GPC5: variants seen among roughly 807,000 people sequenced by gnomAD.
GPC5 encodes the protein glypican-5.
GPC5 carries 47 observed loss-of-function variants against 53.9 expected under a neutral mutation model. The observed-to-expected ratio is 0.87, with a 90% CI of 0.69 to 1.11. The LOEUF (loss-of-function observed/expected upper bound fraction) is 1.11, where lower values mean the gene tolerates loss of function less well. Among genes scored for constraint, GPC5 ranks in the 50% most tolerant of loss-of-function variants. GPC5 has a pLI of 0.00. For synonymous variants in GPC5, 286 were observed against 263.3 expected, an observed-to-expected ratio of 1.09 and a Z score of -0.84; for missense variants, 748 against 713.1, an observed-to-expected ratio of 1.05 and a Z score of -0.56.
intron 6 of GPC5, among the ~76,000 whole-genome samples, chr13:92,121,388 A>G (rs2041647891): frequency 6.6e-6 from 1 of 152,316 alleles, no homozygotes. Flanking sequence ...CACACAAACA[A>G]TTGCTGAATT....
At chr13:91,463,118 GC>G (rs924286585) in intron 2 of GPC5, among the ~76,000 whole-genome samples, 7 of 151,814 alleles carry the variant, frequency 4.6e-5, no homozygotes, top group African/African-American at 1.7e-4. Flanking sequence ...AGAAGCTCAG[GC>G]CCCCCATATA....
intron 7 of GPC5, among the ~76,000 whole-genome samples, chr13:92,201,007 ACACG>A (rs978561292): frequency 3.3e-5 from 5 of 150,360 alleles, no homozygotes; most frequent in African/African-American, 1.2e-4. Context: ...ACACACACAC[ACACG>A]CACACACACG....
chr13:92,744,384 A>G (rs1457310432), intron 7 of GPC5, among the ~76,000 whole-genome samples: 1 of 152,050 alleles, frequency 6.6e-6, no homozygotes. Flanking sequence ...CTGGACTGGT[A>G]TAAGAGCGAT....
intron 2 of GPC5, among the ~76,000 whole-genome samples, chr13:91,600,056 G>T (rs1312250321): frequency 6.6e-6 from 1 of 152,076 alleles, no homozygotes; most frequent in African/African-American, 2.4e-5. Flanking sequence ...AAGTAGCTGG[G>T]ATTATAGGCA....
intron 2 of GPC5, among the ~76,000 whole-genome samples, chr13:91,624,370 T>C (rs1248600061): frequency 6.6e-6 from 1 of 152,116 alleles, no homozygotes; most frequent in African/African-American, 2.4e-5. Flanking sequence ...ATCACAAGTG[T>C]GAATACACCA....
intron 7 of GPC5, among the ~76,000 whole-genome samples, chr13:92,717,103 G>T (rs185857910): frequency 6.6e-6 from 1 of 151,916 alleles, no homozygotes; most frequent in Admixed American, 6.6e-5. Flanking sequence ...TTCTCAAACC[G>T]TATTCTTCTC....
rs2043435370 is a variant in GPC5, at chr13:92,347,899, AT to A, written c.1561+202911del. Among the ~76,000 whole-genome samples, 2 of 12,018 alleles carry A rather than the reference AT, an allele frequency of 1.7e-4. 1 individual carries two copies. The highest frequency in any genetic ancestry group is 2.3e-4 in the Non-Finnish European group (2 of 8,840). The allele number at this position is 12,018 out of a possible 152,430, so 7.9% of individuals were successfully genotyped here. The stretch of plus-strand genomic sequence containing the variant: ...AATATATATTATATATATTATATAT[AT>A]AATATATATATAATATATATATATT... On this transcript the variant is annotated intron_variant, in intron 7 of 7. Coordinates refer to ENST00000377067, the MANE Select transcript of GPC5 (RefSeq NM_004466.6).
intron 6 of GPC5, among the ~76,000 whole-genome samples, chr13:91,958,822 T>C (rs2040098341): frequency 6.6e-6 from 1 of 151,930 alleles, no homozygotes; most frequent in South Asian, 2.1e-4. Context: ...CAAAGTTTCT[T>C]GAAACAAATG....
At chr13:91,723,487 A>AC (rs58231952) in intron 3 of GPC5, among the ~76,000 whole-genome samples, 2,020 of 151,322 alleles carry the variant, frequency 0.013, 18 homozygotes, top group Non-Finnish European at 0.022. Flanking sequence ...CAAAAAAAAA[A>AC]CAGGTACACC....
intron 7 of GPC5, among the ~76,000 whole-genome samples, chr13:92,626,120 T>G (rs1039816785): frequency 7.9e-5 from 12 of 152,334 alleles, no homozygotes; most frequent in Middle Eastern, 3.4e-3. Context: ...TATAATAACT[T>G]TTTCTATACT....
intron 7 of GPC5, among the ~76,000 whole-genome samples, chr13:92,266,427 T>C (rs761526264): frequency 6.6e-6 from 1 of 152,138 alleles, no homozygotes; most frequent in African/African-American, 2.4e-5. Context: ...CTACATCCAT[T>C]CAGACTTCCA....
intron 7 of GPC5, among the ~76,000 whole-genome samples, chr13:92,554,592 G>GA (rs1882430894): frequency 6.7e-6 from 1 of 149,928 alleles, no homozygotes; most frequent in African/African-American, 2.4e-5. Flanking sequence ...CTATTTACTT[G>GA]AAAAAAACTA....
intron 6 of GPC5, among the ~76,000 whole-genome samples, chr13:91,947,425 C>A (rs2039983816): frequency 1.3e-5 from 2 of 151,904 alleles, no homozygotes; most frequent in South Asian, 4.1e-4. Context: ...TATGTACAAC[C>A]AGTATATTGT....
intron 2 of GPC5, among the ~76,000 whole-genome samples, chr13:91,612,631 A>G (rs978061943): frequency 6.6e-6 from 1 of 152,198 alleles, no homozygotes; most frequent in Admixed American, 6.5e-5. Flanking sequence ...AAGCCTTGTG[A>G]TATTAGAGAG....
intron 7 of GPC5, among the ~76,000 whole-genome samples, chr13:92,730,817 A>G (rs912281459): frequency 2.0e-5 from 3 of 151,458 alleles, no homozygotes; most frequent in Non-Finnish European, 4.4e-5. Flanking sequence ...AATAGAACTG[A>G]AACGTTCAAC....
At chr13:92,076,793 A>G (rs1049850047) in intron 6 of GPC5, among the ~76,000 whole-genome samples, 2 of 152,166 alleles carry the variant, frequency 1.3e-5, no homozygotes, top group Admixed American at 6.5e-5. Context: ...TTGTTGGGGG[A>G]TATATGCATC....
At chr13:91,619,672 CAAT>C (rs1261350427) in intron 2 of GPC5, among the ~76,000 whole-genome samples, 15 of 152,132 alleles carry the variant, frequency 9.9e-5, no homozygotes, top group Non-Finnish European at 1.5e-5. Context: ...ACAATGGAGA[CAAT>C]GATGTGCCGA....
At chr13:92,344,908 G>A (rs1435198539) in intron 7 of GPC5, among the ~76,000 whole-genome samples, 1 of 152,108 alleles carries the variant, frequency 6.6e-6, no homozygotes, top group Non-Finnish European at 1.5e-5. Flanking sequence ...TATATGATAT[G>A]AGAATATGAG....
intron 7 of GPC5, among the ~76,000 whole-genome samples, chr13:92,381,889 T>TCATATATATCATATGTATGA (rs753025655): frequency 2.5e-5 from 3 of 122,174 alleles, no homozygotes; most frequent in South Asian, 2.4e-4. Flanking sequence ...ATTATATATA[T>TCATATATATCATATGTATGA]TATATATAAT....
Sources: allele counts gnomAD v4.1 joint callset (sites outside exome capture counted in the v4.1 genomes callset), GRCh38; gene constraint gnomAD v4.1.1; transcripts MANE v1.5; gene names NCBI Gene and HGNC (gene_info 2026-07-23, HGNC 2026-07-21).